The following FLNC variants were observed in gnomAD, a reference collection of about 807,000 sequenced individuals.
FLNC encodes the protein filamin-C.
In FLNC, 91 loss-of-function variants were observed where a neutral mutation model predicts 254.3. The ratio of observed to expected loss-of-function variants is 0.36; its 90% CI spans 0.30 to 0.43. The LOEUF (loss-of-function observed/expected upper bound fraction) is 0.43. Ranked by LOEUF, FLNC falls within the 20% of genes least tolerant of loss-of-function variation. The probability of loss-of-function intolerance (pLI) is 1.00; values close to 1 mark genes in which losing one functional copy is unlikely to be tolerated. For missense variants in FLNC, 2,853 were observed against 3,802.6 expected (o/e 0.75, Z 6.57); for synonymous variants, 1,430 against 1,577.2 (o/e 0.91, Z 2.21).
At chr7:128,834,311 GCC>G (rs34045649) in intron 1 of FLNC, among the ~76,000 whole-genome samples, 1,381 of 125,488 alleles carry the variant, frequency 0.011, 55 homozygotes, top group African/African-American at 0.038. Context: ...GGATCTAGGC[GCC>G]CCCCCCCCCC....
At chr7:128,837,107 A>T in intron 2 of FLNC, 53 bp from the exon 3 acceptor site, 1 of 1,259,696 alleles carries the variant, frequency 7.9e-7, no homozygotes, top group Non-Finnish European at 1.1e-6. Flanking sequence ...AATGCCCTGC[A>T]TCCTGGCCGG....
In FLNC at chr7:128,851,587, A is replaced by G; in HGVS notation, c.5801A>G (p.Asp1934Gly). The G allele has an allele frequency of 6.2e-7, 1 of 1,613,920 alleles. No homozygotes were observed. Among genetic ancestry groups the G allele is most frequent in the Non-Finnish European group, 8.5e-7 (1 of 1,180,028 alleles). ...TACAGCATCATCGTGCGCTTCGATG[A>G]CAAGCACATCCCGGGGAGCCCCTTC... ...GDYSIIVRFD[D>G]KHIPGSPFTA... is the part of the protein sequence containing the mutation. The change falls in exon 35 of 48, where the codon GAC (aspartate) becomes GGC (glycine). Residue 1934 changes from aspartate to glycine, a missense_variant. Asp to Gly is a moderately conservative substitution (Grantham distance 94). Around this residue, in one of 10 missense-constraint regions of FLNC, gnomAD observed 551 missense variants for 835.0 expected, o/e 0.66. Transcript: ENST00000325888.
chr7:128,844,248 G>A lies in FLNC; in HGVS notation c.3174G>A (p.Leu1058=), dbSNP rs756706651. 1 of 1,609,246 alleles carries A rather than the reference G, an allele frequency of 6.2e-7. No individual in the cohort carries two copies. ...PGSPFAVEGV[L]PPDPSKVCAY... ...GCCCGTTTGCTGTGGAGGGTGTCCT[G>A]CCCCCTGATCCCTCCAAGGTGAGGA... The change falls in exon 20 of 48, where the codon CTG becomes CTA. Residue 1058 remains leucine (L), a synonymous_variant. Transcript: ENST00000325888.
Position 128,852,696 on chromosome 7 carries a change from C to T in FLNC, c.5948C>T (p.Ala1983Val). ...AGCCAGCTGACCGCCAGCATCCGTG[C>T]CCCCTCGGGCAACGAGGAGCCCTGC... ...DLSQLTASIR[A>V]PSGNEEPCLL... is the part of the protein sequence containing the mutation. The change falls in exon 36 of 48, where the codon GCC (alanine) becomes GTC (valine). Residue 1983 changes from alanine to valine, a missense_variant. Around this residue, in one of 10 missense-constraint regions of FLNC, gnomAD observed 551 missense variants for 835.0 expected, o/e 0.66. Coordinates refer to ENST00000325888, the MANE Select transcript of FLNC (RefSeq NM_001458.5). 1 of 1,613,306 alleles carries T rather than the reference C, an allele frequency of 6.2e-7. No individual in the cohort carries two copies.
chr7:128,843,121 C>T, intron 16 of FLNC, 108 bp from the exon 17 acceptor site: 2 of 1,362,782 alleles, frequency 1.5e-6, no homozygotes, highest in Non-Finnish European at 2.0e-6. Flanking sequence ...CTTTTGGAGG[C>T]TGCCCCTGTC....
intron 17 of FLNC, 27 bp downstream of exon 17, chr7:128,843,346 T>C (rs1808419705): frequency 6.2e-7 from 1 of 1,612,360 alleles, no homozygotes; most frequent in African/African-American, 1.3e-5. Context: ...GGGCTGGGAC[T>C]GGCTCGAGGT....
chr7:128,846,533 C>T, intron 23 of FLNC, 70 bp downstream of exon 23: 1 of 1,568,974 alleles, frequency 6.4e-7, no homozygotes, highest in Non-Finnish European at 8.7e-7. Flanking sequence ...CTCGCTCATC[C>T]CTCTGCCTGG....
chr7:128,830,842 C>A lies in FLNC; in HGVS notation c.205C>A (p.Arg69=). ...GCAGCGCGACCTCAGCGACGGGCTCCGGCTCATCGCGCTGCTCGAGGTGCT... is the reference window on the plus strand; with the variant it reads ...GCAGCGCGACCTCAGCGACGGGCTCAGGCTCATCGCGCTGCTCGAGGTGCT... ...DLQRDLSDGL[R]LIALLEVLSQ... The change falls in exon 1 of 48, where the codon CGG becomes AGG. Residue 69 remains arginine, a synonymous_variant. Transcript: ENST00000325888. The A allele has an allele frequency of 3.1e-6, 5 of 1,613,064 alleles. No homozygotes were observed. The highest frequency in any genetic ancestry group is 4.2e-6 in the Non-Finnish European group (5 of 1,179,948).
rs907468011 is a variant in FLNC, at chr7:128,854,828, G to A, written c.7051G>A (p.Val2351Met). The A allele has an allele frequency of 6.2e-7, 1 of 1,614,076 alleles. No individual in the cohort carries two copies. Among genetic ancestry groups the A allele is most frequent in the Non-Finnish European group, 8.5e-7 (1 of 1,180,006 alleles). ...EAGAGGLSIA[V>M]EGPSKAEIAF... ...TGGCGCTGGGGGCCTGTCCATTGCT[G>A]TGGAGGGTCCTAGCAAAGCGGAGAT... The change falls in exon 42 of 48, where the codon GTG (valine) becomes ATG (methionine). Residue 2351 changes from valine (V) to methionine (M), a missense_variant. Around this residue, in one of 10 missense-constraint regions of FLNC, gnomAD observed 551 missense variants for 835.0 expected, o/e 0.66. Coordinates refer to ENST00000325888, the MANE Select transcript of FLNC (RefSeq NM_001458.5).
rs1271147326 is a variant in FLNC at position 128,849,298 on chromosome 7, C to T, written c.4952-33C>T. On this transcript the variant is annotated intron_variant, in intron 29 of 47. Coordinates refer to ENST00000325888, the MANE Select transcript of FLNC (RefSeq NM_001458.5). ...AACAGAGAGGGCTGGCTCCAGCCCACCAGCTCCCTGAGCAGGATCTCCCGC... is the reference window on the plus strand; with the variant it reads ...AACAGAGAGGGCTGGCTCCAGCCCATCAGCTCCCTGAGCAGGATCTCCCGC... The T allele has an allele frequency of 1.9e-6, 3 of 1,613,976 alleles. No homozygotes were observed. In the African/African-American group the frequency reaches 4.0e-5, roughly 22 times the overall value.
chr7:128,850,651 C>A, intron 32 of FLNC, 152 bp from the exon 33 acceptor site: 2 of 1,305,300 alleles, frequency 1.5e-6, no homozygotes, highest in Non-Finnish European at 2.2e-6. Flanking sequence ...AGCCATCTGT[C>A]CCCAGTTCAG....
intron 21 of FLNC, among the ~76,000 whole-genome samples, chr7:128,845,531 G>A (rs1018829022): frequency 2.6e-5 from 4 of 152,158 alleles, no homozygotes; most frequent in African/African-American, 9.7e-5. Flanking sequence ...TGCTTAAGGG[G>A]TACCCTGATC....
In FLNC at chr7:128,845,064, C is replaced by T. The variant is rs1808501652; in HGVS notation, c.3599C>T (p.Ala1200Val). The change falls in exon 21 of 48, where the codon GCC becomes GTC. Residue 1200 changes from alanine (A) to valine (V), a missense_variant. Around this residue, in one of 10 missense-constraint regions of FLNC, gnomAD observed 1,573 missense variants for 1,883.5 expected, o/e 0.84. Transcript: ENST00000325888. ...ATCCTGTCGGATGCCGGGGTCAAGGCCGAGGTGCTGATCCACAACAACGCG... is the reference window on the plus strand; with the variant it reads ...ATCCTGTCGGATGCCGGGGTCAAGGTCGAGGTGCTGATCCACAACAACGCG... ...IEILSDAGVK[A>V]EVLIHNNADG... is the part of the protein sequence containing the mutation. 1.2e-6 allele frequency: 2 copies of T among 1,613,862 alleles called. No homozygotes were observed. The highest frequency in any genetic ancestry group is 8.5e-7 in the Non-Finnish European group (1 of 1,180,038).
chr7:128,851,036 A>G (rs1308278961), intron 33 of FLNC, 93 bp downstream of exon 33: 2 of 1,557,456 alleles, frequency 1.3e-6, no homozygotes, highest in South Asian at 2.2e-5. Flanking sequence ...ATATTTATTG[A>G]GCACCCGCTG....
chr7:128,832,560 C>T (rs564816655), intron 1 of FLNC, among the ~76,000 whole-genome samples: 1 of 152,230 alleles, frequency 6.6e-6, no homozygotes, highest in Non-Finnish European at 1.5e-5. Flanking sequence ...CTCCAGGCCT[C>T]GTCCTTCCTG....
At chr7:128,848,219 G>T in intron 26 of FLNC, 151 bp downstream of exon 26, 1 of 1,067,608 alleles carries the variant, frequency 9.4e-7, no homozygotes. Context: ...GCTCTTCCCC[G>T]GGGCTCTCTG....
At chr7:128,851,756 G>T in intron 35 of FLNC, 128 bp downstream of exon 35, 1 of 921,234 alleles carries the variant, frequency 1.1e-6, no homozygotes, top group Non-Finnish European at 1.7e-6. Flanking sequence ...GGTGTGAGGG[G>T]TCATATTTTG....
At position 128,836,621 on chromosome 7, in the gene FLNC, C is replaced by T. The variant is rs1808103110; in HGVS notation, c.602-539C>T. Among the ~76,000 whole-genome samples, 1 of 152,222 alleles carries T rather than the reference C, an allele frequency of 6.6e-6. No individual in the cohort carries two copies. Among genetic ancestry groups the T allele is most frequent in the African/African-American group, 2.4e-5 (1 of 41,454 alleles). On this transcript the variant is annotated intron_variant, in intron 2 of 47. Transcript: ENST00000325888. This position sits in a 1 kb window ranked among gnomAD's most constrained non-coding sequence, Gnocchi z 6.0. ...CAGAGGAGAAGTCATTCTCTCCTCACAGGCCCTTTAATGCCTCAGTTTCCC... is the reference window on the plus strand; with the variant it reads ...CAGAGGAGAAGTCATTCTCTCCTCATAGGCCCTTTAATGCCTCAGTTTCCC...
At chr7:128,855,149 C>T in intron 42 of FLNC, 50 bp from the exon 43 acceptor site, 2 of 1,359,352 alleles carry the variant, frequency 1.5e-6, no homozygotes, top group Non-Finnish European at 1.1e-6. Context: ...GAGGCTCCCG[C>T]CCTGCCAACC....
Sources: allele counts gnomAD v4.1 joint callset (sites outside exome capture counted in the v4.1 genomes callset), GRCh38; gene constraint gnomAD v4.1.1; regional missense constraint gnomAD v4.1.1; non-coding constraint Gnocchi (gnomAD v3.1); transcripts MANE v1.5; gene names NCBI Gene and HGNC (gene_info 2026-07-23, HGNC 2026-07-21).